Variants in EPHA6 observed in about 807,000 individuals in gnomAD.
EPHA6 encodes ephrin type-A receptor 6.
Under a neutral mutation model 112.0 loss-of-function variants are expected in EPHA6, and 50 were observed. That is an observed-to-expected ratio of 0.45 (90% CI 0.36 to 0.56). EPHA6 has a LOEUF of 0.56. Ranked by LOEUF, EPHA6 falls within the 20% of genes least tolerant of loss-of-function variation. EPHA6 has a pLI of 0.00. For synonymous variants in EPHA6, 529 were observed against 490.7 expected (o/e 1.08, Z -1.03); for missense variants, 1,280 against 1,417.4 (o/e 0.90, Z 1.56).
At chr3:97,402,828 C>T (rs1011111828) in intron 5 of EPHA6, among the ~76,000 whole-genome samples, 9 of 152,080 alleles carry the variant, frequency 5.9e-5, no homozygotes, top group African/African-American at 2.2e-4. Flanking sequence ...CTTAGAAAAA[C>T]CAAACTTGTC....
At chr3:97,398,492 A>G (rs994400002) in intron 5 of EPHA6, among the ~76,000 whole-genome samples, 3 of 151,374 alleles carry the variant, frequency 2.0e-5, no homozygotes, top group Non-Finnish European at 3.0e-5. Flanking sequence ...AAATTATCTG[A>G]GCACTTTTTC....
chr3:97,477,754 T>C (rs1272554761), intron 8 of EPHA6, among the ~76,000 whole-genome samples: 1 of 152,098 alleles, frequency 6.6e-6, no homozygotes, highest in Non-Finnish European at 1.5e-5. Context: ...CATTTTGAAC[T>C]GGGGTCACTG....
In EPHA6 at chr3:97,759,248, G is replaced by A. The variant is rs1343882136; in HGVS notation, c.*10547G>A. Among the ~76,000 whole-genome samples, 2 of 151,806 alleles carry A rather than the reference G, an allele frequency of 1.3e-5. No homozygotes were observed. Among genetic ancestry groups the A allele is most frequent in the African/African-American group, 4.8e-5 (2 of 41,364 alleles). On this transcript the variant is annotated 3_prime_UTR_variant, in exon 18 of 18. Coordinates refer to ENST00000389672, the MANE Select transcript of EPHA6 (RefSeq NM_001080448.3). ...TTGTTGTTGTTGATGACCTTCACAA[G>A]GTCATCAACTATGAAAATAGTGGAG...
rs542700544 is a variant in EPHA6, at chr3:97,482,036, A to G, written c.2075-1898A>G. ...GAGGTAGAAGAAAGTTAACCAACTG[A>G]TGTTTAAGAAGACGTTGATAAGTTT... is the stretch of plus-strand genomic sequence containing the variant. On this transcript the variant is annotated intron_variant, in intron 9 of 17. Transcript: ENST00000389672. 9.8e-5 allele frequency among the ~76,000 whole-genome samples: 15 copies of G among 152,364 alleles called. No homozygotes were observed. The South Asian group carries it at 3.1e-3, about 32-fold the overall frequency.
At chr3:97,594,391 T>C (rs912496834) in intron 12 of EPHA6, among the ~76,000 whole-genome samples, 4 of 152,230 alleles carry the variant, frequency 2.6e-5, no homozygotes, top group Non-Finnish European at 4.4e-5. Flanking sequence ...CAAGCTTTCA[T>C]AGGAGAGAAA....
At chr3:96,883,650 A>G (rs2037451007) in intron 2 of EPHA6, among the ~76,000 whole-genome samples, 1 of 152,032 alleles carries the variant, frequency 6.6e-6, no homozygotes, top group South Asian at 2.1e-4. Flanking sequence ...CAGTTATCTC[A>G]ACACCATTTT....
chr3:96,916,708 G>C (rs771577930), intron 2 of EPHA6, among the ~76,000 whole-genome samples: 2 of 152,066 alleles, frequency 1.3e-5, no homozygotes, highest in African/African-American at 4.8e-5. Context: ...CATAGATTAC[G>C]TCAAAGGTTA....
intron 3 of EPHA6, among the ~76,000 whole-genome samples, chr3:97,099,957 A>G (rs913726912): frequency 2.0e-5 from 3 of 152,010 alleles, no homozygotes; most frequent in African/African-American, 7.2e-5. Context: ...GCTTAGCACA[A>G]AATTGGAAGT....
chr3:97,693,470 CA>C (rs1488645167), intron 14 of EPHA6, among the ~76,000 whole-genome samples: 2 of 152,152 alleles, frequency 1.3e-5, no homozygotes, highest in Non-Finnish European at 2.9e-5. Context: ...TAATTATCAG[CA>C]AAAGTGATTG....
At chr3:97,379,610 A>C (rs994087287) in intron 5 of EPHA6, among the ~76,000 whole-genome samples, 4 of 151,688 alleles carry the variant, frequency 2.6e-5, no homozygotes, top group Non-Finnish European at 5.9e-5. Flanking sequence ...TTAGCTGGGC[A>C]TGGTGGCAGG....
rs16838751 is a variant in EPHA6 at position 97,475,398 on chromosome 3, C to T, written c.1941C>T (p.Thr647=). The change falls in exon 8 of 18, where the codon ACC becomes ACT. Residue 647 remains threonine, a synonymous_variant. Coordinates refer to ENST00000389672, the MANE Select transcript of EPHA6 (RefSeq NM_001080448.3). ...AEQGQILVIA[T]AAVGGFTLLV... is the part of the protein sequence containing the mutation. ...AAGGACAGATTCTCGTGATAGCCAC[C>T]GCCGCTGTTGGCGGATTCACTCTCC... 0.12 allele frequency: 186,122 copies of T among 1,610,936 alleles called. 16,061 individuals carry two copies. The highest frequency in any genetic ancestry group is 0.39 in the African/African-American group (29,043 of 74,786).
In EPHA6 at chr3:97,010,481, C is replaced by A. The variant is rs546005832; in HGVS notation, c.1114+22488C>A. ...TATTTGCATACCTCTGCCCTATAAG[C>A]AAATTAATGCATATCTTGGAAATAT... On this transcript the variant is annotated intron_variant, in intron 3 of 17. Transcript: ENST00000389672. Among the ~76,000 whole-genome samples the A allele has an allele frequency of 1.4e-4, 22 of 152,126 alleles. 1 individual carries two copies. The highest frequency in any genetic ancestry group is 1.3e-3 in the Admixed American group (20 of 15,278).
intron 3 of EPHA6, among the ~76,000 whole-genome samples, chr3:97,108,904 A>G (rs770969208): frequency 6.6e-6 from 1 of 152,102 alleles, no homozygotes; most frequent in Non-Finnish European, 1.5e-5. Flanking sequence ...CCAGCTTTCC[A>G]TGTAGATGTT....
chr3:97,133,512 A>G (rs187597989), intron 3 of EPHA6, among the ~76,000 whole-genome samples: 14 of 152,192 alleles, frequency 9.2e-5, no homozygotes, highest in Admixed American at 4.6e-4. Context: ...GAATGACTCT[A>G]GAGGCTATAA....
chr3:97,696,641 A>T (rs1291054107), intron 14 of EPHA6, among the ~76,000 whole-genome samples: 1 of 152,188 alleles, frequency 6.6e-6, no homozygotes, highest in Non-Finnish European at 1.5e-5. Context: ...GGCACAGAAG[A>T]ATGTATTCTT....
intron 11 of EPHA6, among the ~76,000 whole-genome samples, chr3:97,581,727 A>C (rs1191319360): frequency 6.6e-6 from 1 of 152,216 alleles, no homozygotes; most frequent in East Asian, 1.9e-4. Context: ...TGCACAGCAA[A>C]GTTTTGAAGC....
At chr3:97,362,074 C>T (rs2084400739) in intron 5 of EPHA6, among the ~76,000 whole-genome samples, 1 of 152,100 alleles carries the variant, frequency 6.6e-6, no homozygotes, top group Admixed American at 6.6e-5. Context: ...TCTTTGCCTT[C>T]ATGAAATGTA....
In EPHA6 at chr3:97,754,886, G is replaced by A. The variant is rs959776774; in HGVS notation, c.*6185G>A. 7.2e-5 allele frequency among the ~76,000 whole-genome samples: 11 copies of A among 152,058 alleles called. No individual in the cohort carries two copies. Among genetic ancestry groups the A allele is most frequent in the Admixed American group, 4.6e-4 (7 of 15,266 alleles). ...GCCCGGCTAATTTTTTGTATTTTTA[G>A]TAGAGACGGAGTTTCACCGTGTTAG... On this transcript the variant is annotated 3_prime_UTR_variant, in exon 18 of 18. Coordinates refer to ENST00000389672, the MANE Select transcript of EPHA6 (RefSeq NM_001080448.3).
At chr3:97,047,296 C>A (rs2045541369) in intron 3 of EPHA6, among the ~76,000 whole-genome samples, 2 of 151,932 alleles carry the variant, frequency 1.3e-5, no homozygotes, top group South Asian at 4.2e-4. Context: ...GTCAGGAGAT[C>A]AAGACCATCC....
Sources: gnomAD v4.1 joint callset for allele counts (sites outside exome capture counted in the v4.1 genomes callset) on GRCh38, gnomAD v4.1.1 for gene constraint, MANE v1.5 for transcripts, NCBI Gene and HGNC (gene_info 2026-07-23, HGNC 2026-07-21) for gene names.